Variants in CDC42 observed in about 807,000 individuals in gnomAD.
CDC42 encodes the protein cell division cycle 42.
CDC42 carries 1 observed loss-of-function variant against 20.8 expected under a neutral mutation model. The observed-to-expected ratio is 0.05, with a 90% confidence interval of 0.02 to 0.23. CDC42 has a LOEUF of 0.23. Ranked by LOEUF, CDC42 falls within the 10% of genes least tolerant of loss-of-function variation. The pLI is 1.00. For synonymous variants in CDC42, 72 were observed against 84.8 expected, an observed-to-expected ratio of 0.85 and a Z score of 0.83; for missense variants, 49 against 227.9, an observed-to-expected ratio of 0.21 and a Z score of 5.05.
intron 1 of CDC42, among the ~76,000 whole-genome samples, chr1:22,053,661 A>G (rs532386144): frequency 1.3e-5 from 2 of 152,280 alleles, no homozygotes; most frequent in East Asian, 1.9e-4. Flanking sequence ...AAGGAGTGAG[A>G]CTTAACTCCT....
At chr1:22,078,400 A>G (rs902035547) in intron 1 of CDC42, 29 bp from the exon 2 acceptor site, 11 of 1,118,252 alleles carry the variant, frequency 9.8e-6, no homozygotes, top group Non-Finnish European at 1.4e-5. Flanking sequence ...GTAAGTATAA[A>G]TAAACAAATG....
chr1:22,085,664 A>G lies in CDC42; in HGVS notation c.179-775A>G, dbSNP rs1391067449. On this transcript the variant is annotated intron_variant, in intron 3 of 5. Coordinates refer to ENST00000656825, the MANE Select transcript of CDC42 (RefSeq NM_001791.4). ...TAAGTTAATTCTAAGTATTTTTATT[A>G]TTTTGAGTATCGATTAATTCTTGCT... 3.9e-5 allele frequency among the ~76,000 whole-genome samples: 6 copies of G among 152,072 alleles called. No individual in the cohort carries two copies. In the South Asian group the frequency reaches 1.0e-3, roughly 26 times the overall value.
chr1:22,077,862 G>A (rs868464738), intron 1 of CDC42, among the ~76,000 whole-genome samples: 7 of 152,200 alleles, frequency 4.6e-5, no homozygotes, highest in Middle Eastern at 3.2e-3. Flanking sequence ...GCATTCTGGT[G>A]CTAAAACAGC....
chr1:22,059,946 G>C (rs1475985660), intron 1 of CDC42, among the ~76,000 whole-genome samples: 1 of 152,202 alleles, frequency 6.6e-6, no homozygotes, highest in African/African-American at 2.4e-5. Context: ...ATCCCTGAGA[G>C]CTGGGGGATC....
At chr1:22,089,873 T>C (rs1645698175) in intron 5 of CDC42, 2 of 1,477,976 alleles carry the variant, frequency 1.4e-6, no homozygotes, top group South Asian at 2.4e-5. Flanking sequence ...TCCGGACTGC[T>C]GTTGTACCTG....
Position 22,092,297 on chromosome 1 carries a change from G to A in CDC42, c.*780G>A, listed in dbSNP as rs1241139263. 6.6e-6 allele frequency: 1 copy of A among 152,568 alleles called. No individual in the cohort carries two copies. Among genetic ancestry groups the A allele is most frequent in the Non-Finnish European group, 1.5e-5 (1 of 68,012 alleles). 9.5% of individuals were successfully genotyped at this position (152,568 alleles called of 1,614,324 possible). On this transcript the variant is annotated 3_prime_UTR_variant, in exon 6 of 6. Coordinates refer to ENST00000656825, the MANE Select transcript of CDC42 (RefSeq NM_001791.4). Reference sequence around the variant, plus strand: ...CAAGGACATTTGTTTGCCATTTGCTGATTTTTTTGGGAAGTTAATTTCTAA... The same window carrying A: ...CAAGGACATTTGTTTGCCATTTGCTAATTTTTTTGGGAAGTTAATTTCTAA...
chr1:22,064,073 TG>T (rs1275859765), intron 1 of CDC42: 1 of 145,680 alleles, frequency 6.9e-6, no homozygotes, highest in African/African-American at 2.4e-5. Context: ...TATTATTACT[TG>T]TTTTTTTTTT....
At position 22,096,857 on chromosome 1, in the gene CDC42, A is replaced by G. The variant is rs1035417460; in HGVS notation, c.*5340A>G. Among the ~76,000 whole-genome samples the G allele has an allele frequency of 6.6e-6, 1 of 152,268 alleles. No individual in the cohort carries two copies. The highest frequency in any genetic ancestry group is 1.5e-5 in the Non-Finnish European group (1 of 68,050). ...CTGCTAGAACTGTTACAGTAAATAC[A>G]CAGATCTATTTTGTGAGCAAATAGT... On this transcript the variant is annotated 3_prime_UTR_variant, in exon 6 of 6. Coordinates refer to ENST00000656825, the MANE Select transcript of CDC42 (RefSeq NM_001791.4).
At position 22,074,681 on chromosome 1, in the gene CDC42, A is replaced by G. The variant is rs1281800767; in HGVS notation, c.-50-3748A>G. On this transcript the variant is annotated intron_variant, in intron 1 of 5. Coordinates refer to ENST00000656825, the MANE Select transcript of CDC42 (RefSeq NM_001791.4). ...GTGATCTTCCCACTTTGGCCTCCCA[A>G]AGTGCAAGGATTACAGGTGAGCCAC... 3.9e-5 allele frequency among the ~76,000 whole-genome samples: 6 copies of G among 152,252 alleles called. No individual in the cohort carries two copies. The East Asian group carries it at 9.6e-4, about 24-fold the overall frequency.
intron 5 of CDC42, chr1:22,090,481 A>G (rs1645704609): frequency 1.0e-6 from 1 of 988,584 alleles, no homozygotes; most frequent in South Asian, 4.6e-5. Flanking sequence ...GTAGAGTGTA[A>G]TGGGGAAGGG....
intron 1 of CDC42, among the ~76,000 whole-genome samples, chr1:22,077,758 ACT>A (rs1645566894): frequency 6.6e-6 from 1 of 152,160 alleles, no homozygotes; most frequent in Admixed American, 6.5e-5. Flanking sequence ...ATGGAGGAGG[ACT>A]CTAGTAAGAG....
At chr1:22,071,797 A>G (rs1335007181) in intron 1 of CDC42, among the ~76,000 whole-genome samples, 1 of 152,152 alleles carries the variant, frequency 6.6e-6, no homozygotes, top group African/African-American at 2.4e-5. Flanking sequence ...GGGCAAACGT[A>G]TTTCACATGA....
chr1:22,070,443 C>CTT (rs567184632), intron 1 of CDC42, among the ~76,000 whole-genome samples: 1 of 60,306 alleles, frequency 1.7e-5, no homozygotes, highest in Non-Finnish European at 2.9e-5. Context: ...GCCTTTGCCT[C>CTT]TTTTTTTTTT....
At chr1:22,062,427 GTAGTGACT>G (rs781568705) in intron 1 of CDC42, among the ~76,000 whole-genome samples, 1 of 152,184 alleles carries the variant, frequency 6.6e-6, no homozygotes, top group Non-Finnish European at 1.5e-5. Context: ...CCTAGGTAAT[GTAGTGACT>G]TATTTTATGC....
Position 22,091,797 on chromosome 1 carries a change from T to TTTTG in CDC42, c.*283_*284insGTTT, listed in dbSNP as rs1645719822. The TTTTG allele has an allele frequency of 1.5e-5, 3 of 201,112 alleles. No homozygotes were observed. The South Asian group carries it at 4.7e-4, about 32-fold the overall frequency. 12.5% of individuals were successfully genotyped at this position (201,112 alleles called of 1,614,324 possible). A position where few individuals can be genotyped will look rare whatever the true frequency, so the allele number is the denominator to read the frequency against. On this transcript the variant is annotated 3_prime_UTR_variant, in exon 6 of 6. Transcript: ENST00000656825. ...AAAAAATTTTTGTGTGTGTGTGTTTTTTTTTTTTTTTTTTTTGTTGTTTAA... is the reference window on the plus strand; with the variant it reads ...AAAAAATTTTTGTGTGTGTGTGTTTTTTTGTTTTTTTTTTTTTTTTGTTGTTTAA...
chr1:22,096,889 T>C lies in CDC42; in HGVS notation c.*5372T>C, dbSNP rs879877363. ...TATTTTGTGAGCAAATAGTACTGCC[T>C]TGGATGTGGTACCCTTGTGCAGTGC... On this transcript the variant is annotated 3_prime_UTR_variant, in exon 6 of 6. Transcript: ENST00000656825. Among the ~76,000 whole-genome samples, 1 of 152,256 alleles carries C rather than the reference T, an allele frequency of 6.6e-6. No individual in the cohort carries two copies. Among genetic ancestry groups the C allele is most frequent in the Non-Finnish European group, 1.5e-5 (1 of 68,042 alleles).
chr1:22,055,738 G>C (rs991934745), intron 1 of CDC42, among the ~76,000 whole-genome samples: 2 of 152,038 alleles, frequency 1.3e-5, no homozygotes, highest in Non-Finnish European at 2.9e-5. Context: ...ATTTGCTCCT[G>C]TTGGCCTCTG....
At chr1:22,073,495 C>T (rs1262364999) in intron 1 of CDC42, among the ~76,000 whole-genome samples, 2 of 150,930 alleles carry the variant, frequency 1.3e-5, no homozygotes, top group South Asian at 2.1e-4. Flanking sequence ...GCCGAGATCA[C>T]GCCATTGCAC....
At position 22,082,949 on chromosome 1, in the gene CDC42, G is replaced by A. The variant is rs17837984; in HGVS notation, c.178+1155G>A. On this transcript the variant is annotated intron_variant, in intron 3 of 5. Transcript: ENST00000656825. ...GGCTGGAGTGCAATGGTGCAATCTC[G>A]GCTCACCGCAACCTCCGCCTCCCAG... is the stretch of plus-strand genomic sequence containing the variant. Among the ~76,000 whole-genome samples the A allele has an allele frequency of 2.2e-3, 326 of 146,168 alleles. 1 individual carries two copies. The highest frequency in any genetic ancestry group is 7.9e-3 in the African/African-American group (309 of 39,160).
Sources: gnomAD v4.1 joint callset for allele counts (sites outside exome capture counted in the v4.1 genomes callset) on GRCh38, gnomAD v4.1.1 for gene constraint, MANE v1.5 for transcripts, NCBI Gene and HGNC (gene_info 2026-07-23, HGNC 2026-07-21) for gene names.